Variants in ADGRL3 observed in about 807,000 individuals in gnomAD.
The protein encoded by ADGRL3 is calcium-independent alpha-latrotoxin receptor 3.
In ADGRL3, 62 loss-of-function variants were observed where a neutral mutation model predicts 153.5. The ratio of observed to expected loss-of-function variants is 0.40; its 90% CI spans 0.33 to 0.50. ADGRL3 has a LOEUF of 0.50. ADGRL3 is among the 20% of genes least tolerant of loss of function. ADGRL3 has a pLI of 0.47. For missense variants in ADGRL3, 1,641 were observed against 1,859.4 expected, an observed-to-expected ratio of 0.88 and a Z score of 2.16; for synonymous variants, 710 against 672.5, an observed-to-expected ratio of 1.06 and a Z score of -0.86.
chr4:61,505,136 C>T (rs944672011), intron 3 of ADGRL3, among the ~76,000 whole-genome samples: 1 of 152,046 alleles, frequency 6.6e-6, no homozygotes, highest in African/African-American at 2.4e-5. Context: ...TTTTGGATAA[C>T]AGCCATTTTA....
At chr4:61,712,030 A>G (rs2096002265) in intron 6 of ADGRL3, among the ~76,000 whole-genome samples, 1 of 151,976 alleles carries the variant, frequency 6.6e-6, no homozygotes, top group Admixed American at 6.6e-5. Flanking sequence ...AACAAAAATT[A>G]TATTTCACCT....
At chr4:61,303,692 A>AG (rs1222930153) in intron 1 of ADGRL3, among the ~76,000 whole-genome samples, 7 of 152,154 alleles carry the variant, frequency 4.6e-5, no homozygotes, top group African/African-American at 1.7e-4. Context: ...GGGATTTTTA[A>AG]AGTTAGTACA....
intron 19 of ADGRL3, among the ~76,000 whole-genome samples, chr4:61,985,815 T>C (rs775929390): frequency 1.8e-4 from 27 of 152,024 alleles, no homozygotes; most frequent in Non-Finnish European, 1.3e-4. Context: ...TGCCAATAAC[T>C]ATTATTTTTT....
chr4:61,445,400 A>C (rs2152491114), intron 2 of ADGRL3, among the ~76,000 whole-genome samples: 1 of 152,346 alleles, frequency 6.6e-6, no homozygotes, highest in Admixed American at 6.5e-5. Context: ...TCATGGAATT[A>C]GACAAAATAC....
At chr4:61,510,181 TG>T (rs1475339976) in intron 3 of ADGRL3, among the ~76,000 whole-genome samples, 1 of 152,206 alleles carries the variant, frequency 6.6e-6, no homozygotes, top group African/African-American at 2.4e-5. Flanking sequence ...ATGCATAGTT[TG>T]CAAATATTTT....
chr4:61,447,388 A>G (rs904400494), intron 2 of ADGRL3, among the ~76,000 whole-genome samples: 5 of 57,744 alleles, frequency 8.7e-5, no homozygotes, highest in Non-Finnish European at 1.7e-4. Flanking sequence ...GCCAGGTTTT[A>G]TGATACTTTC....
rs117710427 is a variant in ADGRL3, at chr4:61,426,403, G to A, written c.-174+43214G>A. ...CGCAACAGCAGTCCAGGAAGCAGTC[G>A]CACCCTGGCTGGACCCATCCATATG... On this transcript the variant is annotated intron_variant, in intron 2 of 26. Coordinates refer to ENST00000683033, the MANE Select transcript of ADGRL3 (RefSeq NM_001387552.1). Among the ~76,000 whole-genome samples, 68 of 152,034 alleles carry A rather than the reference G, an allele frequency of 4.5e-4. No individual in the cohort carries two copies. The East Asian group carries it at 5.6e-3, about 13-fold the overall frequency.
chr4:61,617,824 T>C (rs1035704889), intron 5 of ADGRL3, among the ~76,000 whole-genome samples: 1 of 152,236 alleles, frequency 6.6e-6, no homozygotes, highest in Non-Finnish European at 1.5e-5. Context: ...TGTTAACATG[T>C]GTTATAAATC....
At chr4:61,355,497 T>C (rs1162613349) in intron 1 of ADGRL3, among the ~76,000 whole-genome samples, 1 of 152,142 alleles carries the variant, frequency 6.6e-6, no homozygotes, top group Non-Finnish European at 1.5e-5. Context: ...AAGCATTTCC[T>C]AAATTCTCAG....
rs1192442683 is a variant in ADGRL3, at chr4:61,421,750, T to C, written c.-174+38561T>C. ...TTAAGTAAAGGTATATTAGGGACTT[T>C]AGTAAAGTATTGTAATGACAGATAG... On this transcript the variant is annotated intron_variant, in intron 2 of 26. Coordinates refer to ENST00000683033, the MANE Select transcript of ADGRL3 (RefSeq NM_001387552.1). Among the ~76,000 whole-genome samples the C allele has an allele frequency of 4.6e-5, 7 of 152,276 alleles. No homozygotes were observed. In the South Asian group the frequency reaches 1.5e-3, roughly 32 times the overall value.
rs2093349158 is a variant in ADGRL3, at chr4:61,634,902, G to C, written c.474-41924G>C. On this transcript the variant is annotated intron_variant, in intron 5 of 26. Transcript: ENST00000683033. ...TTTTTGGAATGAACATTTTTCATTT[G>C]AAATCTGCAAGAGCCCTATTTACAA... is the stretch of plus-strand genomic sequence containing the variant. 3.3e-5 allele frequency among the ~76,000 whole-genome samples: 5 copies of C among 152,154 alleles called. No individual in the cohort carries two copies. In the South Asian group the frequency reaches 1.0e-3, roughly 32 times the overall value.
chr4:61,260,079 T>A (rs7683030), intron 1 of ADGRL3, among the ~76,000 whole-genome samples: 2 of 151,948 alleles, frequency 1.3e-5, no homozygotes, highest in Non-Finnish European at 2.9e-5. Flanking sequence ...AAACATGCTA[T>A]ATATTAATAC....
intron 5 of ADGRL3, among the ~76,000 whole-genome samples, chr4:61,645,133 T>G (rs977784776): frequency 2.0e-5 from 3 of 152,038 alleles, no homozygotes; most frequent in Non-Finnish European, 2.9e-5. Context: ...TTTCCATTTT[T>G]TTTGGTAGAT....
chr4:61,949,160 C>T (rs1325861617), intron 17 of ADGRL3, among the ~76,000 whole-genome samples: 1 of 152,002 alleles, frequency 6.6e-6, no homozygotes, highest in Non-Finnish European at 1.5e-5. Context: ...TACTTCATGG[C>T]CAGAGATGTT....
intron 2 of ADGRL3, among the ~76,000 whole-genome samples, chr4:61,391,837 T>A (rs78166407): frequency 0.028 from 4,188 of 149,514 alleles, 217 homozygotes; most frequent in East Asian, 0.2. Flanking sequence ...AAGAAAATTA[T>A]CCAAGTGAAA....
chr4:61,553,393 T>C (rs2098749273), intron 4 of ADGRL3, among the ~76,000 whole-genome samples: 1 of 152,176 alleles, frequency 6.6e-6, no homozygotes, highest in African/African-American at 2.4e-5. Flanking sequence ...AAATAGATTT[T>C]TGGGCAGATG....
intron 1 of ADGRL3, among the ~76,000 whole-genome samples, chr4:61,326,022 G>A (rs1012593265): frequency 6.6e-6 from 1 of 152,028 alleles, no homozygotes; most frequent in Admixed American, 6.6e-5. Flanking sequence ...GAGGAATAAG[G>A]GTCCTCAGCT....
intron 1 of ADGRL3, among the ~76,000 whole-genome samples, chr4:61,213,982 A>G (rs1263630591): frequency 1.3e-5 from 2 of 152,088 alleles, no homozygotes; most frequent in African/African-American, 4.8e-5. Flanking sequence ...GGTCCTCTGA[A>G]AGTTTTGGAA....
chr4:62,002,163 A>G (rs1035014973), intron 21 of ADGRL3, among the ~76,000 whole-genome samples: 1 of 150,432 alleles, frequency 6.6e-6, no homozygotes, highest in Non-Finnish European at 1.5e-5. Flanking sequence ...CTTAAATCTG[A>G]TCATGCAACA....
Sources: gnomAD v4.1 joint callset for allele counts (sites outside exome capture counted in the v4.1 genomes callset) on GRCh38, gnomAD v4.1.1 for gene constraint, MANE v1.5 for transcripts, NCBI Gene and HGNC (gene_info 2026-07-23, HGNC 2026-07-21) for gene names.